Variants in ARRB2 observed in about 807,000 individuals in gnomAD.
ARRB2 encodes the protein beta-arrestin-2.
Under a neutral mutation model 53.4 loss-of-function variants are expected in ARRB2, and 21 were observed. The observed-to-expected ratio is 0.39, with a 90% CI of 0.28 to 0.57. The LOEUF (loss-of-function observed/expected upper bound fraction) is 0.57, where lower values mean the gene tolerates loss of function less well. Ranked by LOEUF, ARRB2 falls within the 20% of genes least tolerant of loss-of-function variation. The pLI is 0.55. For missense variants in ARRB2, 369 were observed against 527.5 expected, an observed-to-expected ratio of 0.70 and a Z score of 2.94; for synonymous variants, 180 against 212.9, an observed-to-expected ratio of 0.85 and a Z score of 1.34.
chr17:4,715,936 C>T, intron 2 of ARRB2, 37 bp from the exon 3 acceptor site: 1 of 1,613,544 alleles, frequency 6.2e-7, no homozygotes, highest in Non-Finnish European at 8.5e-7. Flanking sequence ...TGTCACCATC[C>T]TCCCCAATCT....
At position 4,720,660 on chromosome 17, in the gene ARRB2, A is replaced by ACTTGACC; in HGVS notation, c.1136+23_1136+29dup. On this transcript the variant is annotated intron_variant, in intron 14 of 14. Transcript: ENST00000269260. ...TACCAAGTAAGAAACTCATTCCCCT[A>ACTTGACC]CTTGACCCTCTTGGGACAAAGATTC... 6.5e-7 allele frequency: 1 copy of ACTTGACC among 1,534,096 alleles called. No individual in the cohort carries two copies. Among genetic ancestry groups the ACTTGACC allele is most frequent in the Non-Finnish European group, 8.8e-7 (1 of 1,139,230 alleles).
chr17:4,720,801 T>C (rs1915624712), intron 14 of ARRB2, 145 bp from the exon 15 acceptor site: 3 of 1,059,158 alleles, frequency 2.8e-6, no homozygotes, highest in Non-Finnish European at 4.2e-6. Context: ...CTGCCTTTTC[T>C]TTGTCCCTTC....
intron 2 of ARRB2, 21 bp from the exon 3 acceptor site, chr17:4,715,952 G>GTGA (rs1914981160): frequency 1.2e-6 from 2 of 1,614,036 alleles, no homozygotes; most frequent in Middle Eastern, 1.6e-4. Context: ...AATCTCCCCT[G>GTGA]TGACCCCTTG....
Position 4,717,366 on chromosome 17 carries a change from G to C in ARRB2, c.417+90G>C. ...CAGCTGAGCCAGAGGGTGAACTGTC[G>C]AGATGCCAGGGTGGGGCCGAGGGTA... On this transcript the variant is annotated intron_variant, in intron 6 of 14. Transcript: ENST00000269260. The surrounding 1 kb of genome is among the most constrained non-coding windows in gnomAD (Gnocchi z 6.0). The C allele has an allele frequency of 2.0e-6, 3 of 1,500,360 alleles. No homozygotes were observed. Among genetic ancestry groups the C allele is most frequent in the South Asian group, 2.3e-5 (2 of 88,768 alleles). 92.9% of individuals were successfully genotyped at this position (1,500,360 alleles called of 1,614,324 possible).
Position 4,715,814 on chromosome 17 carries a change from C to T in ARRB2, c.55-159C>T, listed in dbSNP as rs912375618. 11 of 781,296 alleles carry T rather than the reference C, an allele frequency of 1.4e-5. No individual in the cohort carries two copies. In the African/African-American group the frequency reaches 1.9e-4, roughly 14 times the overall value. The allele number at this position is 781,296 out of a possible 1,614,324, so 48.4% of individuals were successfully genotyped here. A position where few individuals can be genotyped will look rare whatever the true frequency, so the allele number is the denominator to read the frequency against. On this transcript the variant is annotated intron_variant, in intron 2 of 14. Transcript: ENST00000269260. Reference sequence around the variant, plus strand: ...AAAGGTCCACTAGTCTGAGAAACGCCACCACCCTCACTTTCCAACACTATT... The same window carrying T: ...AAAGGTCCACTAGTCTGAGAAACGCTACCACCCTCACTTTCCAACACTATT...
intron 13 of ARRB2, 31 bp from the exon 14 acceptor site, chr17:4,720,555 A>AC: frequency 2.5e-6 from 3 of 1,202,420 alleles, no homozygotes; most frequent in African/African-American, 2.0e-5. Context: ...TCCAGCACCC[A>AC]CCCCCACACC....
chr17:4,717,318 G>C lies in ARRB2; in HGVS notation c.417+42G>C, dbSNP rs1299850871. ...TCTGAGGGCTCCTAGGGCAGGACAT[G>C]GGCCAGCAGGAGCCTGGAGGCACAG... On this transcript the variant is annotated intron_variant, in intron 6 of 14. Transcript: ENST00000269260. This position sits in a 1 kb window ranked among gnomAD's most constrained non-coding sequence, Gnocchi z 6.0. 1 of 1,605,538 alleles carries C rather than the reference G, an allele frequency of 6.2e-7. No homozygotes were observed. Among genetic ancestry groups the C allele is most frequent in the East Asian group, 2.2e-5 (1 of 44,836 alleles).
Position 4,720,578 on chromosome 17 carries a change from C to CG in ARRB2, c.1082-8_1082-7insG, listed in dbSNP as rs1915601152. On this transcript the variant is annotated splice_region_variant and splice_polypyrimidine_tract_variant and intron_variant, in intron 13 of 14. Transcript: ENST00000269260. Reference sequence around the variant, plus strand: ...CCACCCCCACACCCCCTCTTCCCGTCCCCCCAGCCGCTCCGGAGACAGATG... The same window carrying CG: ...CCACCCCCACACCCCCTCTTCCCGTCGCCCCCAGCCGCTCCGGAGACAGATG... The CG allele has an allele frequency of 3.8e-6, 6 of 1,567,474 alleles. No homozygotes were observed. The highest frequency in any genetic ancestry group is 5.2e-6 in the Non-Finnish European group (6 of 1,154,994).
At chr17:4,710,800 G>T in intron 1 of ARRB2, 56 bp downstream of exon 1, 1 of 398,486 alleles carries the variant, frequency 2.5e-6, no homozygotes, top group South Asian at 1.2e-4. Flanking sequence ...GGCGGGGGCT[G>T]GGACGGTCCC....
chr17:4,721,257 T>TGCTTCTCCAGCCCC lies in ARRB2; in HGVS notation c.*221_*234dup, dbSNP rs1882052298. The TGCTTCTCCAGCCCC allele has an allele frequency of 5.7e-6, 3 of 524,720 alleles. No individual in the cohort carries two copies. The highest frequency in any genetic ancestry group is 1.0e-5 in the Non-Finnish European group (3 of 298,886). 32.5% of individuals were successfully genotyped at this position (524,720 alleles called of 1,614,324 possible). A position where few individuals can be genotyped will look rare whatever the true frequency, so the allele number is the denominator to read the frequency against. On this transcript the variant is annotated 3_prime_UTR_variant, in exon 15 of 15. Transcript: ENST00000269260. This position sits in a 1 kb window ranked among gnomAD's most constrained non-coding sequence, Gnocchi z 4.2. Reference sequence around the variant, plus strand: ...GGCATTAATTTTTTGACTGCAGCTCTGCTTCTCCAGCCCCGCCGTGGGTGG... The same window carrying TGCTTCTCCAGCCCC: ...GGCATTAATTTTTTGACTGCAGCTCTGCTTCTCCAGCCCCGCTTCTCCAGCCCCGCCGTGGGTGG...
intron 8 of ARRB2, 36 bp from the exon 9 acceptor site, chr17:4,718,225 C>T (rs199688680): frequency 6.3e-7 from 1 of 1,586,372 alleles, no homozygotes; most frequent in African/African-American, 1.3e-5. Context: ...ACAGTGAAAA[C>T]CAGTTCCAAT....
chr17:4,719,985 G>A (rs1302913617), intron 11 of ARRB2, among the ~76,000 whole-genome samples: 4 of 152,210 alleles, frequency 2.6e-5, no homozygotes, highest in African/African-American at 4.8e-5. Flanking sequence ...AGAGCCAGAC[G>A]GTGCAAGGCT....
Position 4,721,186 on chromosome 17 carries a change from C to A in ARRB2, c.*147C>A. ...TCAACCAATCCCTTCACACTCTCTC[C>A]CCCATCCCCCCAAGATACACACTGG... On this transcript the variant is annotated 3_prime_UTR_variant, in exon 15 of 15. Transcript: ENST00000269260. This position sits in a 1 kb window ranked among gnomAD's most constrained non-coding sequence, Gnocchi z 4.2. 1 of 743,344 alleles carries A rather than the reference C, an allele frequency of 1.3e-6. No individual in the cohort carries two copies. The highest frequency in any genetic ancestry group is 2.2e-6 in the Non-Finnish European group (1 of 457,546). 46.0% of individuals were successfully genotyped at this position (743,344 alleles called of 1,614,324 possible). A position where few individuals can be genotyped will look rare whatever the true frequency, so the allele number is the denominator to read the frequency against.
chr17:4,711,624 A>G (rs1215661343), intron 1 of ARRB2, among the ~76,000 whole-genome samples: 3 of 152,126 alleles, frequency 2.0e-5, no homozygotes. Flanking sequence ...CTTCCAACCT[A>G]TAGAGTATGA....
intron 2 of ARRB2, 107 bp downstream of exon 2, chr17:4,715,150 G>A: frequency 7.8e-7 from 1 of 1,285,654 alleles, no homozygotes; most frequent in African/African-American, 1.5e-5. Context: ...CCAACCCCTA[G>A]CTCCCCACTT....
In ARRB2 at chr17:4,717,366, G is replaced by A. The variant is rs185088157; in HGVS notation, c.417+90G>A. On this transcript the variant is annotated intron_variant, in intron 6 of 14. Transcript: ENST00000269260. The surrounding 1 kb of genome is among the most constrained non-coding windows in gnomAD (Gnocchi z 6.0). ...CAGCTGAGCCAGAGGGTGAACTGTC[G>A]AGATGCCAGGGTGGGGCCGAGGGTA... 2.1e-4 allele frequency: 320 copies of A among 1,500,360 alleles called. 3 individuals carry two copies. In the East Asian group the frequency reaches 3.1e-3, roughly 15 times the overall value. The allele number at this position is 1,500,360 out of a possible 1,614,324, so 92.9% of individuals were successfully genotyped here.
chr17:4,711,110 G>T (rs954501144), intron 1 of ARRB2, among the ~76,000 whole-genome samples: 1 of 152,016 alleles, frequency 6.6e-6, no homozygotes, highest in Non-Finnish European at 1.5e-5. Context: ...GGACGGGGGG[G>T]ATCCACTCCA....
chr17:4,712,036 C>T (rs1914465638), intron 1 of ARRB2, among the ~76,000 whole-genome samples: 1 of 152,228 alleles, frequency 6.6e-6, no homozygotes, highest in Non-Finnish European at 1.5e-5. Flanking sequence ...AGGGCAAGTG[C>T]CTTGCAGCTG....
At chr17:4,719,518 G>C in intron 11 of ARRB2, 98 bp downstream of exon 11, 2 of 1,497,454 alleles carry the variant, frequency 1.3e-6, no homozygotes, top group Non-Finnish European at 1.8e-6. Context: ...GTGAACAGAA[G>C]AGACAAAAAG....
Sources: gnomAD v4.1 joint callset for allele counts (sites outside exome capture counted in the v4.1 genomes callset) on GRCh38, gnomAD v4.1.1 for gene constraint, Gnocchi (gnomAD v3.1) non-coding constraint, MANE v1.5 for transcripts, NCBI Gene and HGNC (gene_info 2026-07-23, HGNC 2026-07-21) for gene names.